The following BBX variants were observed in gnomAD, a reference collection of about 807,000 sequenced individuals.
BBX encodes the protein BBX high mobility group box domain containing, also known as HMG box transcription factor BBX.
A neutral mutation model predicts 100.2 loss-of-function variants in BBX; 30 were observed. The observed-to-expected ratio is 0.30, with a 90% CI of 0.22 to 0.41. The LOEUF (loss-of-function observed/expected upper bound fraction) is 0.41, where lower values mean the gene tolerates loss of function less well. BBX is among the 10% of genes least tolerant of loss of function. The pLI is 1.00. For synonymous variants in BBX, 376 were observed against 388.1 expected (o/e 0.97, Z 0.37); for missense variants, 1,023 against 1,129.8 (o/e 0.91, Z 1.35).
At chr3:107,757,197 G>T (rs2065548861) in intron 10 of BBX, among the ~76,000 whole-genome samples, 2 of 150,738 alleles carry the variant, frequency 1.3e-5, no homozygotes, top group African/African-American at 4.9e-5. Flanking sequence ...CCTTTAAACA[G>T]TTTTTTTTTG....
intron 3 of BBX, among the ~76,000 whole-genome samples, chr3:107,655,896 T>TTCACCGTGTTAGCCAGGATGGTCTC (rs1489225557): frequency 1.2e-4 from 19 of 152,012 alleles, no homozygotes; most frequent in Non-Finnish European, 2.8e-4. Flanking sequence ...GAGATGGGGT[T>TTCACCGTGTTAGCCAGGATGGTCTC]TCACCGTGTT....
intron 3 of BBX, among the ~76,000 whole-genome samples, chr3:107,686,369 T>C (rs1042390374): frequency 1.3e-5 from 2 of 152,108 alleles, no homozygotes; most frequent in African/African-American, 2.4e-5. Flanking sequence ...CTTTGTCTGT[T>C]TGAGCAGTAG....
At chr3:107,714,107 C>T (rs1316580827) in intron 4 of BBX, among the ~76,000 whole-genome samples, 2 of 151,062 alleles carry the variant, frequency 1.3e-5, no homozygotes, top group Non-Finnish European at 2.9e-5. Context: ...TCCAGAGGAG[C>T]TGGGATTACA....
At chr3:107,691,713 A>G (rs1342300608) in intron 3 of BBX, among the ~76,000 whole-genome samples, 1 of 152,220 alleles carries the variant, frequency 6.6e-6, no homozygotes, top group African/African-American at 2.4e-5. Flanking sequence ...AGTACTATTT[A>G]TTAAATACGT....
At chr3:107,681,686 C>T (rs1300601954) in intron 3 of BBX, among the ~76,000 whole-genome samples, 3 of 151,986 alleles carry the variant, frequency 2.0e-5, no homozygotes, top group Non-Finnish European at 2.9e-5. Flanking sequence ...TGGAAGTGTC[C>T]GCCCTTTGGA....
chr3:107,585,333 A>C (rs1419351328), intron 2 of BBX, among the ~76,000 whole-genome samples: 1 of 152,176 alleles, frequency 6.6e-6, no homozygotes, highest in Admixed American at 6.5e-5. Context: ...TTTTACCTGG[A>C]AACGGAGAAG....
chr3:107,714,837 G>A (rs1281215476), intron 4 of BBX, among the ~76,000 whole-genome samples: 1 of 152,054 alleles, frequency 6.6e-6, no homozygotes, highest in Non-Finnish European at 1.5e-5. Context: ...CCAGGCTGGA[G>A]TGTAGTGGTG....
intron 2 of BBX, among the ~76,000 whole-genome samples, chr3:107,604,334 A>G (rs754208238): frequency 6.6e-6 from 1 of 152,048 alleles, no homozygotes; most frequent in Non-Finnish European, 1.5e-5. Flanking sequence ...TGACATATTT[A>G]ATATCATTTC....
intron 14 of BBX, among the ~76,000 whole-genome samples, chr3:107,790,224 G>A (rs1396652802): frequency 2.0e-5 from 3 of 152,010 alleles, no homozygotes; most frequent in East Asian, 3.9e-4. Flanking sequence ...ATGTTTGGCA[G>A]CCCTTCATAC....
chr3:107,528,180 A>G (rs563242148), intron 2 of BBX, among the ~76,000 whole-genome samples: 14 of 152,320 alleles, frequency 9.2e-5, no homozygotes, highest in African/African-American at 3.4e-4. Flanking sequence ...ATTGCCAGTT[A>G]TTGGCATCTA....
At position 107,584,136 on chromosome 3, in the gene BBX, A is replaced by G. The variant is rs2052598174; in HGVS notation, c.-84+57738A>G. ...TTATATATAATATATATATTATTATATATATTATATATAATATATGATATA... is the reference window on the plus strand; with the variant it reads ...TTATATATAATATATATATTATTATGTATATTATATATAATATATGATATA... On this transcript the variant is annotated intron_variant, in intron 2 of 17. Coordinates refer to ENST00000325805, the MANE Select transcript of BBX (RefSeq NM_001142568.3). Among the ~76,000 whole-genome samples, 10 of 23,508 alleles carry G rather than the reference A, an allele frequency of 4.3e-4. No individual in the cohort carries two copies. In the South Asian group the frequency reaches 4.8e-3, roughly 11 times the overall value. The allele number at this position is 23,508 out of a possible 152,430, so 15.4% of individuals were successfully genotyped here.
chr3:107,707,690 G>T (rs1267840924), intron 3 of BBX, among the ~76,000 whole-genome samples: 1 of 152,132 alleles, frequency 6.6e-6, no homozygotes, highest in East Asian at 1.9e-4. Flanking sequence ...AGCTACGTGG[G>T]AAGAATTAGA....
intron 3 of BBX, among the ~76,000 whole-genome samples, chr3:107,650,560 A>G (rs900248150): frequency 1.3e-5 from 2 of 152,156 alleles, no homozygotes; most frequent in African/African-American, 4.8e-5. Context: ...TCAAAGCCTT[A>G]TGCTTTTTCT....
At chr3:107,591,919 A>G (rs981844753) in intron 2 of BBX, among the ~76,000 whole-genome samples, 2 of 152,222 alleles carry the variant, frequency 1.3e-5, no homozygotes, top group Non-Finnish European at 2.9e-5. Flanking sequence ...AAGATATTTG[A>G]AAGTATGTGG....
intron 3 of BBX, among the ~76,000 whole-genome samples, chr3:107,705,627 A>G (rs1484556382): frequency 6.6e-6 from 1 of 152,204 alleles, no homozygotes; most frequent in Non-Finnish European, 1.5e-5. Flanking sequence ...TCCCTTTTGA[A>G]TGACATCTTA....
intron 10 of BBX, among the ~76,000 whole-genome samples, chr3:107,761,584 A>G (rs932092548): frequency 2.0e-5 from 3 of 151,924 alleles, no homozygotes; most frequent in Non-Finnish European, 2.9e-5. Context: ...GTCAAAGATG[A>G]CTCCAACACT....
rs1020989534 is a variant in BBX at position 107,728,932 on chromosome 3, A to G, written c.573A>G (p.Glu191=). The change falls in exon 6 of 18, where the codon GAA becomes GAG. Residue 191 remains glutamate (E), a synonymous_variant. Transcript: ENST00000325805. ...LPSPKKAKTE[E]MPQLNFGMAD... The stretch of plus-strand genomic sequence containing the variant: ...GCCCCAAGAAAGCAAAGACTGAAGA[A>G]ATGCCTCAGCTTAACTTTGGAATGG... The G allele has an allele frequency of 6.2e-7, 1 of 1,613,722 alleles. No individual in the cohort carries two copies.
intron 2 of BBX, among the ~76,000 whole-genome samples, chr3:107,569,818 G>A (rs922666812): frequency 1.3e-5 from 2 of 152,074 alleles, no homozygotes; most frequent in African/African-American, 4.8e-5. Flanking sequence ...AGAAGGGGAC[G>A]GACTTACCCT....
rs959541328 is a variant in BBX at position 107,773,889 on chromosome 3, TC to T, written c.1915+259del. On this transcript the variant is annotated intron_variant, in intron 11 of 17. Coordinates refer to ENST00000325805, the MANE Select transcript of BBX (RefSeq NM_001142568.3). This position sits in a 1 kb window ranked among gnomAD's most constrained non-coding sequence, Gnocchi z 4.1. ...ATTAAAGTAATTTTAATCTCTTCTT[TC>T]CCCCCACTGGTATGGGCTGGCTGTT... 6.6e-6 allele frequency among the ~76,000 whole-genome samples: 1 copy of T among 152,126 alleles called. No homozygotes were observed. Among genetic ancestry groups the T allele is most frequent in the African/African-American group, 2.4e-5 (1 of 41,420 alleles).
Sources: allele counts gnomAD v4.1 joint callset (sites outside exome capture counted in the v4.1 genomes callset), GRCh38; gene constraint gnomAD v4.1.1; non-coding constraint Gnocchi (gnomAD v3.1); transcripts MANE v1.5; gene names NCBI Gene and HGNC (gene_info 2026-07-23, HGNC 2026-07-21).